The following DAP variants were observed in gnomAD, a reference collection of about 807,000 sequenced individuals.
DAP encodes death-associated protein 1.
Under a neutral mutation model 13.8 loss-of-function variants are expected in DAP, and 8 were observed. The observed-to-expected ratio is 0.58, with a 90% CI of 0.34 to 1.05. DAP has a LOEUF of 1.05. Ranked by LOEUF, DAP falls within the 50% of genes least tolerant of loss-of-function variation. DAP has a pLI of 0.03. For missense variants in DAP, 106 were observed against 133.2 expected, an observed-to-expected ratio of 0.80 and a Z score of 1.01; for synonymous variants, 47 against 47.5, an observed-to-expected ratio of 0.99 and a Z score of 0.04.
At chr5:10,704,356 T>C (rs1381493186) in intron 2 of DAP, among the ~76,000 whole-genome samples, 1 of 152,170 alleles carries the variant, frequency 6.6e-6, no homozygotes, top group Non-Finnish European at 1.5e-5. Context: ...AGTTTCAGTG[T>C]GAAAACATAA....
chr5:10,737,137 G>A (rs1157256316), intron 2 of DAP, among the ~76,000 whole-genome samples: 1 of 152,178 alleles, frequency 6.6e-6, no homozygotes, highest in East Asian at 1.9e-4. Context: ...CTGAGGTCAG[G>A]AGTTTGAGAG....
rs1350723367 is a variant in DAP, at chr5:10,707,687, C to T, written c.153-24116G>A. On this transcript the variant is annotated intron_variant, in intron 2 of 3. Transcript: ENST00000230895. The surrounding 1 kb of genome is among the most constrained non-coding windows in gnomAD (Gnocchi z 4.0). ...TGCGATCAGTGTGGTGCACAGGCGG[C>T]GTGATGTACAGGTGGTGTGATGCAT... Among the ~76,000 whole-genome samples, 3 of 150,258 alleles carry T rather than the reference C, an allele frequency of 2.0e-5. No homozygotes were observed. The highest frequency in any genetic ancestry group is 2.0e-4 in the East Asian group (1 of 5,100).
intron 3 of DAP, 77 bp from the exon 4 acceptor site, chr5:10,681,246 GC>G: frequency 8.9e-7 from 1 of 1,128,658 alleles, no homozygotes. Flanking sequence ...CCAGGCCAGT[GC>G]CCACCAGCGT....
intron 1 of DAP, among the ~76,000 whole-genome samples, chr5:10,755,116 C>T (rs1174799231): frequency 6.6e-6 from 1 of 152,134 alleles, no homozygotes; most frequent in Non-Finnish European, 1.5e-5. Context: ...TCAAGGGTCT[C>T]TGAATGTGAA....
chr5:10,702,460 A>G (rs1465940687), intron 2 of DAP, among the ~76,000 whole-genome samples: 1 of 152,168 alleles, frequency 6.6e-6, no homozygotes, highest in African/African-American at 2.4e-5. Context: ...CCATGGGTTG[A>G]TATCTGGAGT....
At chr5:10,684,972 C>A (rs183778124) in intron 2 of DAP, among the ~76,000 whole-genome samples, 1 of 152,318 alleles carries the variant, frequency 6.6e-6, no homozygotes, top group Admixed American at 6.5e-5. Flanking sequence ...TAGAATTTAT[C>A]CCCTGAGCTC....
intron 2 of DAP, among the ~76,000 whole-genome samples, chr5:10,719,349 G>A (rs547965839): frequency 4.6e-5 from 7 of 152,302 alleles, no homozygotes; most frequent in African/African-American, 1.7e-4. Context: ...CTGTCACTTG[G>A]GCCATATGAC....
At chr5:10,705,125 T>C (rs1016346358) in intron 2 of DAP, among the ~76,000 whole-genome samples, 2 of 152,204 alleles carry the variant, frequency 1.3e-5, no homozygotes, top group African/African-American at 4.8e-5. Context: ...CTCTGAGTCA[T>C]CTTAAGGAAA....
chr5:10,686,452 G>A (rs1308495937), intron 2 of DAP, among the ~76,000 whole-genome samples: 1 of 152,224 alleles, frequency 6.6e-6, no homozygotes, highest in East Asian at 1.9e-4. Flanking sequence ...GAATGCAAAG[G>A]AAGAGTTATG....
intron 1 of DAP, among the ~76,000 whole-genome samples, chr5:10,755,500 G>A (rs999949594): frequency 5.3e-5 from 8 of 151,320 alleles, no homozygotes; most frequent in Admixed American, 2.0e-4. Flanking sequence ...ACCCCAGCAC[G>A]GCGACCTACA....
At chr5:10,728,648 A>ACTC (rs1226229020) in intron 2 of DAP, among the ~76,000 whole-genome samples, 1 of 152,130 alleles carries the variant, frequency 6.6e-6, no homozygotes, top group Non-Finnish European at 1.5e-5. Flanking sequence ...CAATCACCAA[A>ACTC]CTCCTGGGTT....
At chr5:10,706,767 C>T (rs1738706504) in intron 2 of DAP, among the ~76,000 whole-genome samples, 2 of 152,150 alleles carry the variant, frequency 1.3e-5, no homozygotes, top group South Asian at 4.1e-4. Flanking sequence ...TTAAATTGTA[C>T]CTAATGAAGA....
At chr5:10,759,990 A>C (rs1444329441) in intron 1 of DAP, among the ~76,000 whole-genome samples, 1 of 151,932 alleles carries the variant, frequency 6.6e-6, no homozygotes, top group Non-Finnish European at 1.5e-5. Flanking sequence ...CCTGACCTCA[A>C]GTGATCCACC....
intron 2 of DAP, among the ~76,000 whole-genome samples, chr5:10,690,145 T>C (rs887725178): frequency 7.9e-5 from 12 of 152,128 alleles, no homozygotes; most frequent in Non-Finnish European, 1.5e-4. Context: ...TTGTGTTGCA[T>C]GAGAAAGTCT....
At chr5:10,709,171 C>G (rs2126650484) in intron 2 of DAP, among the ~76,000 whole-genome samples, 1 of 152,358 alleles carries the variant, frequency 6.6e-6, no homozygotes, top group East Asian at 1.9e-4. Flanking sequence ...AAAAGCACAT[C>G]TGACTACCAT....
At chr5:10,735,254 C>A (rs1579813043) in intron 2 of DAP, among the ~76,000 whole-genome samples, 1 of 152,292 alleles carries the variant, frequency 6.6e-6, no homozygotes, top group East Asian at 1.9e-4. Flanking sequence ...CAAAGGGAAG[C>A]GCTCCTGCCT....
chr5:10,695,302 G>A (rs1738414845), intron 2 of DAP, among the ~76,000 whole-genome samples: 1 of 152,232 alleles, frequency 6.6e-6, no homozygotes, highest in Non-Finnish European at 1.5e-5. Context: ...AGAAATGGAA[G>A]CCGGCCAGGC....
chr5:10,693,652 G>A (rs1244317803), intron 2 of DAP, among the ~76,000 whole-genome samples: 1 of 152,202 alleles, frequency 6.6e-6, no homozygotes, highest in South Asian at 2.1e-4. Flanking sequence ...GACTTGGAAC[G>A]AGGGCTGTAT....
In DAP at chr5:10,680,975, C is replaced by A. The variant is rs866976565; in HGVS notation, c.*81G>T. 6.5e-7 allele frequency: 1 copy of A among 1,545,914 alleles called. No individual in the cohort carries two copies. Reference sequence around the variant, plus strand: ...ATTTCCCAGCAGAGTAGGATTTGGGCGAAACTGCTGGTTCTCTCTGTCAGG... The same window carrying A: ...ATTTCCCAGCAGAGTAGGATTTGGGAGAAACTGCTGGTTCTCTCTGTCAGG... On this transcript the variant is annotated 3_prime_UTR_variant, in exon 4 of 4. Coordinates refer to ENST00000230895, the MANE Select transcript of DAP (RefSeq NM_004394.3).
Sources: gnomAD v4.1 joint callset for allele counts (sites outside exome capture counted in the v4.1 genomes callset) on GRCh38, gnomAD v4.1.1 for gene constraint, Gnocchi (gnomAD v3.1) non-coding constraint, MANE v1.5 for transcripts, NCBI Gene and HGNC (gene_info 2026-07-23, HGNC 2026-07-21) for gene names.